KIAA2012: variants seen among roughly 807,000 people sequenced by gnomAD.
KIAA2012 encodes the protein uncharacterized protein KIAA2012.
In KIAA2012, 125 loss-of-function variants were observed where a neutral mutation model predicts 150.6. The ratio of observed to expected loss-of-function variants is 0.83; its 90% CI spans 0.72 to 0.96. The LOEUF (loss-of-function observed/expected upper bound fraction) is 0.96. Ranked by LOEUF, KIAA2012 falls within the 40% of genes least tolerant of loss-of-function variation. KIAA2012 has a pLI of 0.00. For missense variants in KIAA2012, 1,219 were observed against 1,354.9 expected, an observed-to-expected ratio of 0.90 and a Z score of 1.57; for synonymous variants, 462 against 504.7, an observed-to-expected ratio of 0.92 and a Z score of 1.13.
At position 202,196,899 on chromosome 2, in the gene KIAA2012, G is replaced by C; in HGVS notation, c.3287G>C (p.Arg1096Pro). 2 of 1,550,646 alleles carry C rather than the reference G, an allele frequency of 1.3e-6. No individual in the cohort carries two copies. The highest frequency in any genetic ancestry group is 1.7e-6 in the Non-Finnish European group (2 of 1,146,958). The change falls in exon 22 of 24, where the codon CGG becomes CCG. Residue 1096 changes from arginine to proline, a missense_variant. Physicochemically the swap from Arg to Pro is moderately radical, Grantham distance 103. Transcript: ENST00000498697. ...GAAGAGGAACGACTGGAGTACCAGC[G>C]GCGGAAACAGGAAGCAGAAGAGAAG... is the stretch of plus-strand genomic sequence containing the variant. ...MAEEERLEYQ[R>P]RKQEAEEKAR...
rs756022567 is a variant in KIAA2012, at chr2:202,154,774, G to A, written c.2010G>A (p.Thr670=). 138 of 1,549,490 alleles carry A rather than the reference G, an allele frequency of 8.9e-5. No homozygotes were observed. In the Middle Eastern group the frequency reaches 1.3e-3, roughly 15 times the overall value. Residue 670 remains threonine, a synonymous_variant, in exon 14 of 24, where the codon ACG becomes ACA. Transcript: ENST00000498697. ...LICSNRKEFY[T]RKLHIDMTPF... Reference sequence around the variant, plus strand: ...GTTCAAACAGAAAAGAATTTTACACGCGCAAGCTGCACATCGACATGACGC... The same window carrying A: ...GTTCAAACAGAAAAGAATTTTACACACGCAAGCTGCACATCGACATGACGC...
At chr2:202,141,293 C>T (rs532050168) in intron 13 of KIAA2012, among the ~76,000 whole-genome samples, 3 of 152,042 alleles carry the variant, frequency 2.0e-5, no homozygotes, top group Admixed American at 6.5e-5. Context: ...ACCCAAGGAG[C>T]GGGGCCTAGG....
chr2:202,129,840 G>A (rs1690886632), intron 12 of KIAA2012, among the ~76,000 whole-genome samples: 1 of 151,920 alleles, frequency 6.6e-6, no homozygotes, highest in South Asian at 2.1e-4. Flanking sequence ...AAAACATCAG[G>A]GACACACACA....
At chr2:202,103,354 A>T (rs1690101266) in intron 8 of KIAA2012, among the ~76,000 whole-genome samples, 1 of 152,260 alleles carries the variant, frequency 6.6e-6, no homozygotes, top group African/African-American at 2.4e-5. Context: ...GCTGTGGAAG[A>T]GAAAGGAAGA....
chr2:202,102,956 C>A lies in KIAA2012; in HGVS notation c.1166C>A (p.Ala389Asp). 1 of 1,549,788 alleles carries A rather than the reference C, an allele frequency of 6.5e-7. No homozygotes were observed. Residue 389 changes from alanine (A) to aspartate (D), a missense_variant, in exon 8 of 24, where the codon GCT (alanine) becomes GAT (aspartate). Coordinates refer to ENST00000498697, the MANE Select transcript of KIAA2012 (RefSeq NM_001277372.4). ...TTAAATTTTCTCCAGGCACCAAAGG[C>A]TTTGAAATTACCTCCTATCTCAGAA... ...GEVKKKKAPK[A>D]LKLPPISEEP... is the part of the protein sequence containing the mutation.
chr2:202,103,731 A>G (rs925705481), intron 8 of KIAA2012, among the ~76,000 whole-genome samples: 3 of 152,242 alleles, frequency 2.0e-5, no homozygotes, highest in African/African-American at 7.2e-5. Context: ...AGCAGAGATT[A>G]TGTGCTTCTA....
intron 12 of KIAA2012, among the ~76,000 whole-genome samples, chr2:202,125,628 C>T (rs537115408): frequency 1.1e-4 from 16 of 152,192 alleles, no homozygotes; most frequent in Non-Finnish European, 2.1e-4. Context: ...GACATTGTCC[C>T]CTGGAGTCGT....
chr2:202,158,282 C>T (rs1161038163), intron 14 of KIAA2012, among the ~76,000 whole-genome samples: 2 of 151,646 alleles, frequency 1.3e-5, no homozygotes, highest in African/African-American at 4.9e-5. Context: ...GCGTGAGCCA[C>T]CGTGCCCGGC....
chr2:202,125,679 C>G, intron 12 of KIAA2012: 1 of 345,880 alleles, frequency 2.9e-6, no homozygotes, highest in South Asian at 2.3e-5. Flanking sequence ...AGGAGCCGAT[C>G]TGGGAAAGAC....
In KIAA2012 at chr2:202,188,234, G is replaced by A; in HGVS notation, c.2459G>A (p.Gly820Glu). The A allele has an allele frequency of 6.4e-7, 1 of 1,550,402 alleles. No individual in the cohort carries two copies. Among genetic ancestry groups the A allele is most frequent in the South Asian group, 1.2e-5 (1 of 84,018 alleles). ...AAAGGACCCAAAAGCGAGAGAGAAG[G>A]AAAGGTCTACGGGCAAGCAGAGGCT... ...KTKGPKSERE[G>E]KVYGQAEAAI... Residue 820 changes from glycine to glutamate, a missense_variant, in exon 18 of 24, where the codon GGA becomes GAA. Coordinates refer to ENST00000498697, the MANE Select transcript of KIAA2012 (RefSeq NM_001277372.4).
At chr2:202,079,292 G>C (rs1384164591) in intron 2 of KIAA2012, among the ~76,000 whole-genome samples, 1 of 152,156 alleles carries the variant, frequency 6.6e-6, no homozygotes, top group Admixed American at 6.5e-5. Flanking sequence ...ATTAGGGTGA[G>C]TATTTCTTTG....
At chr2:202,123,679 G>A (rs1019814447) in intron 11 of KIAA2012, among the ~76,000 whole-genome samples, 6 of 152,132 alleles carry the variant, frequency 3.9e-5, no homozygotes, top group East Asian at 1.9e-4. Context: ...GTAATGAGAC[G>A]ATGAAGCAAA....
chr2:202,077,074 C>CTGTAT (rs1559194933), intron 2 of KIAA2012: 1 of 457,082 alleles, frequency 2.2e-6, no homozygotes, highest in Admixed American at 2.3e-5. Flanking sequence ...AACAGACAGG[C>CTGTAT]CCACTATGAC....
At chr2:202,094,707 T>C (rs1689819668) in intron 4 of KIAA2012, among the ~76,000 whole-genome samples, 1 of 151,972 alleles carries the variant, frequency 6.6e-6, no homozygotes, top group Admixed American at 6.6e-5. Flanking sequence ...TTTGTAGAGA[T>C]GGGGTTTCAT....
intron 13 of KIAA2012, among the ~76,000 whole-genome samples, chr2:202,145,515 G>A (rs1428697524): frequency 6.6e-6 from 1 of 151,974 alleles, no homozygotes; most frequent in Non-Finnish European, 1.5e-5. Context: ...TGTATTAATC[G>A]ATGTCTTGGC....
chr2:202,180,692 G>A (rs1182851196), intron 15 of KIAA2012, among the ~76,000 whole-genome samples: 2 of 152,126 alleles, frequency 1.3e-5, no homozygotes, highest in East Asian at 1.9e-4. Flanking sequence ...GGGCATGATG[G>A]TGCATGCGTG....
At chr2:202,172,053 T>C (rs1433931512) in intron 15 of KIAA2012, among the ~76,000 whole-genome samples, 1 of 152,106 alleles carries the variant, frequency 6.6e-6, no homozygotes. Flanking sequence ...CGCCAGGCTG[T>C]TTGCGGGCTT....
chr2:202,133,841 T>G (rs543453285), intron 12 of KIAA2012, among the ~76,000 whole-genome samples: 11 of 152,330 alleles, frequency 7.2e-5, no homozygotes, highest in Non-Finnish European at 5.9e-5. Context: ...TCAAAATTTA[T>G]TATAATACTA....
At chr2:202,127,723 C>A (rs1690830605) in intron 12 of KIAA2012, among the ~76,000 whole-genome samples, 1 of 152,218 alleles carries the variant, frequency 6.6e-6, no homozygotes, top group Admixed American at 6.5e-5. Context: ...TAATGCAAAT[C>A]TCTTTCCTAT....
Sources: gnomAD v4.1 joint callset for allele counts (sites outside exome capture counted in the v4.1 genomes callset) on GRCh38, gnomAD v4.1.1 for gene constraint, MANE v1.5 for transcripts, NCBI Gene and HGNC (gene_info 2026-07-23, HGNC 2026-07-21) for gene names.